The following RBFOX1 variants were observed in gnomAD, a reference collection of about 807,000 sequenced individuals.
The protein encoded by RBFOX1 is RNA binding protein fox-1 homolog 1.
In RBFOX1, 8 loss-of-function variants were observed where a neutral mutation model predicts 57.7. That is an observed-to-expected ratio of 0.14 (90% CI 0.08 to 0.25). RBFOX1 has a LOEUF of 0.25. RBFOX1 is among the 10% of genes least tolerant of loss of function. The pLI, the probability that RBFOX1 is intolerant of heterozygous loss-of-function variation, is 1.00. For synonymous variants in RBFOX1, 326 were observed against 222.4 expected (o/e 1.47, Z -4.15); for missense variants, 611 against 548.5 (o/e 1.11, Z -1.14).
At chr16:7,286,219 G>A (rs966350095) in intron 4 of RBFOX1, among the ~76,000 whole-genome samples, 6 of 152,218 alleles carry the variant, frequency 3.9e-5, no homozygotes, top group African/African-American at 1.4e-4. Flanking sequence ...GCTCTAATAG[G>A]TAAACACTTG....
chr16:6,611,398 C>T (rs2098050630), intron 2 of RBFOX1, among the ~76,000 whole-genome samples: 1 of 152,200 alleles, frequency 6.6e-6, no homozygotes, highest in Non-Finnish European at 1.5e-5. Flanking sequence ...CCATCTGCCT[C>T]AGCCTCCCAA....
chr16:7,324,641 C>T (rs1265689319), intron 4 of RBFOX1, among the ~76,000 whole-genome samples: 2 of 152,188 alleles, frequency 1.3e-5, no homozygotes, highest in African/African-American at 4.8e-5. Flanking sequence ...AGAGGAGAAT[C>T]AGGTCAGGAA....
rs147782378 is a variant in RBFOX1, at chr16:7,096,759, C to G, written c.27+44661C>G. On this transcript the variant is annotated intron_variant, in intron 4 of 15. Coordinates refer to ENST00000550418, the MANE Select transcript of RBFOX1 (RefSeq NM_018723.4). ...CCAGCCTGGCTAACATGGTGAAAAT[C>G]TATCTCTAGTAAAAATACAAAAATT... 3.6e-3 allele frequency among the ~76,000 whole-genome samples: 543 copies of G among 151,978 alleles called. 2 individuals carry two copies. The highest frequency in any genetic ancestry group is 0.012 in the African/African-American group (498 of 41,458).
chr16:7,674,358 T>C (rs1046259965), intron 13 of RBFOX1, among the ~76,000 whole-genome samples: 4 of 152,196 alleles, frequency 2.6e-5, no homozygotes, highest in Non-Finnish European at 5.9e-5. Context: ...AATCAGTTCA[T>C]TGCACTAGTT....
chr16:6,376,306 G>GTTT (rs1198075228), intron 2 of RBFOX1, among the ~76,000 whole-genome samples: 37 of 151,266 alleles, frequency 2.4e-4, no homozygotes, highest in African/African-American at 9.0e-4. Flanking sequence ...TTGGTTGGTT[G>GTTT]TTGTTGTTGT....
intron 4 of RBFOX1, among the ~76,000 whole-genome samples, chr16:7,254,818 G>T (rs1323792333): frequency 2.6e-5 from 4 of 152,096 alleles, no homozygotes; most frequent in African/African-American, 7.2e-5. Flanking sequence ...TGATGAACAA[G>T]AAGAAAAAGA....
chr16:7,567,324 T>G lies in RBFOX1; in HGVS notation c.271-12453T>G, dbSNP rs1398624078. Among the ~76,000 whole-genome samples, 56 of 85,452 alleles carry G rather than the reference T, an allele frequency of 6.6e-4. 6 individuals carry two copies. Among genetic ancestry groups the G allele is most frequent in the African/African-American group, 2.2e-3 (52 of 24,170 alleles). 56.1% of individuals were successfully genotyped at this position (85,452 alleles called of 152,430 possible). A position where few individuals can be genotyped will look rare whatever the true frequency, so the allele number is the denominator to read the frequency against. On this transcript the variant is annotated intron_variant, in intron 5 of 15. Coordinates refer to ENST00000550418, the MANE Select transcript of RBFOX1 (RefSeq NM_018723.4). ...GGCCCTATATATATATATATATATC[T>G]CCCTATATATGGCCCTATATATATA... is the stretch of plus-strand genomic sequence containing the variant.
chr16:6,388,581 A>G (rs1176269667), intron 2 of RBFOX1, among the ~76,000 whole-genome samples: 1 of 152,164 alleles, frequency 6.6e-6, no homozygotes, highest in African/African-American at 2.4e-5. Context: ...AGCCTTAAAA[A>G]GAAGGAAACC....
At chr16:7,532,883 A>G (rs971393510) in intron 5 of RBFOX1, among the ~76,000 whole-genome samples, 4 of 152,228 alleles carry the variant, frequency 2.6e-5, no homozygotes, top group Admixed American at 1.3e-4. Flanking sequence ...GCAACCCCCG[A>G]TCTAGGCCAA....
intron 3 of RBFOX1, among the ~76,000 whole-genome samples, chr16:6,685,756 A>T (rs1157830447): frequency 6.6e-6 from 1 of 152,074 alleles, no homozygotes; most frequent in Non-Finnish European, 1.5e-5. Context: ...GTCTGCCCCT[A>T]TCCTTTTTCC....
chr16:6,806,716 A>G (rs1441404136), intron 3 of RBFOX1, among the ~76,000 whole-genome samples: 1 of 149,910 alleles, frequency 6.7e-6, no homozygotes, highest in Non-Finnish European at 1.5e-5. Context: ...TACATGTATT[A>G]CCAGGGGAGC....
chr16:7,488,701 A>G (rs1390677645), intron 4 of RBFOX1, among the ~76,000 whole-genome samples: 1 of 152,084 alleles, frequency 6.6e-6, no homozygotes. Context: ...ACATTCTCAC[A>G]TCCCTTATCT....
intron 3 of RBFOX1, among the ~76,000 whole-genome samples, chr16:6,925,285 C>T (rs143395397): frequency 1.3e-5 from 2 of 151,054 alleles, no homozygotes; most frequent in African/African-American, 4.9e-5. Context: ...AGGTGCAAAT[C>T]ACCATGCCCA....
chr16:6,553,718 A>T (rs977498976), intron 2 of RBFOX1, among the ~76,000 whole-genome samples: 2 of 152,136 alleles, frequency 1.3e-5, no homozygotes, highest in African/African-American at 4.8e-5. Context: ...TGGTTGGAAG[A>T]ATGGAGGAGA....
intron 3 of RBFOX1, among the ~76,000 whole-genome samples, chr16:6,939,044 G>T (rs1434146202): frequency 6.6e-6 from 1 of 152,110 alleles, no homozygotes; most frequent in East Asian, 1.9e-4. Flanking sequence ...GACGAACTCT[G>T]GAATATCAAT....
chr16:6,426,732 G>A (rs2093940048), intron 2 of RBFOX1, among the ~76,000 whole-genome samples: 1 of 152,176 alleles, frequency 6.6e-6, no homozygotes, highest in African/African-American at 2.4e-5. Context: ...TGAAAGAACT[G>A]TTCTGAAATT....
intron 1 of RBFOX1, among the ~76,000 whole-genome samples, chr16:5,462,959 A>G (rs558132275): frequency 8.5e-5 from 13 of 152,368 alleles, no homozygotes; most frequent in South Asian, 2.1e-4. Flanking sequence ...TGTCTGGGAA[A>G]GGTGTTCATA....
intron 4 of RBFOX1, among the ~76,000 whole-genome samples, chr16:7,314,090 T>A (rs958136041): frequency 1.3e-5 from 2 of 152,138 alleles, no homozygotes; most frequent in African/African-American, 4.8e-5. Flanking sequence ...CAACAAACCA[T>A]GAGGCTTTTG....
At chr16:6,403,262 G>T (rs1164314648) in intron 2 of RBFOX1, among the ~76,000 whole-genome samples, 1 of 152,180 alleles carries the variant, frequency 6.6e-6, no homozygotes, top group African/African-American at 2.4e-5. Flanking sequence ...AGAAGCACTA[G>T]GTCAGTTTAC....
Sources: allele counts gnomAD v4.1 joint callset (sites outside exome capture counted in the v4.1 genomes callset), GRCh38; gene constraint gnomAD v4.1.1; transcripts MANE v1.5; gene names NCBI Gene and HGNC (gene_info 2026-07-23, HGNC 2026-07-21).